Variants in GALNT5 observed in about 807,000 individuals in gnomAD.
The protein encoded by GALNT5 is UDP-GalNAc:polypeptide N-acetylgalactosaminyltransferase 5.
GALNT5 carries 72 observed loss-of-function variants against 85.4 expected under a neutral mutation model. That is an observed-to-expected ratio of 0.84 (90% CI 0.70 to 1.03). The LOEUF is 1.03. Among genes scored for constraint, GALNT5 ranks in the 50% least tolerant of loss-of-function variants. GALNT5 has a pLI of 0.00. For synonymous variants in GALNT5, 404 were observed against 397.0 expected (o/e 1.02, Z -0.21); for missense variants, 1,137 against 1,135.5 (o/e 1.00, Z -0.02).
In GALNT5 at chr2:157,318,249, T is replaced by A. The variant is rs1683764447; in HGVS notation, c.*6901T>A. On this transcript the variant is annotated 3_prime_UTR_variant, in exon 10 of 10. Coordinates refer to ENST00000259056, the MANE Select transcript of GALNT5 (RefSeq NM_014568.3). ...AATATGCCAAAAGTATGATCCCATG[T>A]AAATATGCAGAAACGATTGCTATGA... Among the ~76,000 whole-genome samples the A allele has an allele frequency of 6.6e-6, 1 of 152,098 alleles. No individual in the cohort carries two copies. Among genetic ancestry groups the A allele is most frequent in the Non-Finnish European group, 1.5e-5 (1 of 68,000 alleles).
rs1682356232 is a variant in GALNT5 at position 157,262,197 on chromosome 2, C to T, written c.1454+2661C>T. On this transcript the variant is annotated intron_variant, in intron 1 of 9. Transcript: ENST00000259056. ...CAACTGCTCATTGATACAGAATGAA[C>T]CAAAAAATGTAAAAAAAAAAAAAAA... Among the ~76,000 whole-genome samples the T allele has an allele frequency of 2.9e-5, 4 of 136,852 alleles. No homozygotes were observed. The South Asian group carries it at 8.9e-4, about 31-fold the overall frequency. 89.8% of individuals were successfully genotyped at this position (136,852 alleles called of 152,430 possible). A position where few individuals can be genotyped will look rare whatever the true frequency, so the allele number is the denominator to read the frequency against.
chr2:157,288,125 C>T (rs1418917825), intron 3 of GALNT5, among the ~76,000 whole-genome samples: 1 of 152,194 alleles, frequency 6.6e-6, no homozygotes, highest in South Asian at 2.1e-4. Flanking sequence ...CAGGTCTCCA[C>T]CAGCTTAAAT....
rs1166663267 is a variant in GALNT5, at chr2:157,313,420, A to G, written c.*2072A>G. Reference sequence around the variant, plus strand: ...ATTGCCTAATGACACATTTCTCAGAATGTATTTGTGTTATTAAATGATGCA... The same window carrying G: ...ATTGCCTAATGACACATTTCTCAGAGTGTATTTGTGTTATTAAATGATGCA... On this transcript the variant is annotated 3_prime_UTR_variant, in exon 10 of 10. Transcript: ENST00000259056. 6.6e-6 allele frequency: 1 copy of G among 152,194 alleles called. No individual in the cohort carries two copies. The highest frequency in any genetic ancestry group is 2.4e-5 in the African/African-American group (1 of 41,440). The allele number at this position is 152,194 out of a possible 1,614,324, so 9.4% of individuals were successfully genotyped here.
chr2:157,307,626 G>A (rs1011994538), intron 8 of GALNT5, among the ~76,000 whole-genome samples: 10 of 152,162 alleles, frequency 6.6e-5, no homozygotes, highest in African/African-American at 2.2e-4. Context: ...AGCTGATGCG[G>A]ATGTTGGTCC....
chr2:157,303,461 A>T (rs996660979), intron 7 of GALNT5, among the ~76,000 whole-genome samples: 1 of 152,218 alleles, frequency 6.6e-6, no homozygotes, highest in Non-Finnish European at 1.5e-5. Context: ...AAAATGAAAT[A>T]ATACAACATG....
Position 157,257,942 on chromosome 2 carries a change from C to A in GALNT5, c.-141C>A. The A allele has an allele frequency of 1.2e-6, 1 of 806,476 alleles. No individual in the cohort carries two copies. The highest frequency in any genetic ancestry group is 1.6e-5 in the South Asian group (1 of 63,024). 50.0% of individuals were successfully genotyped at this position (806,476 alleles called of 1,614,324 possible). On this transcript the variant is annotated 5_prime_UTR_variant, in exon 1 of 10. In the 5' UTR this introduces an upstream ATG that the reference lacks. Transcript: ENST00000259056. The stretch of plus-strand genomic sequence containing the variant: ...GGAACTGAGCTTTCCCCTTGGACTG[C>A]TGCTTCCTGCTGTGTTCAGGGGAGG...
chr2:157,273,630 CTTTT>C (rs35430045), intron 1 of GALNT5, among the ~76,000 whole-genome samples: 7 of 23,742 alleles, frequency 2.9e-4, no homozygotes, highest in African/African-American at 2.3e-3. Flanking sequence ...ATATTTCTTG[CTTTT>C]TTTTTTTTTT....
Position 157,300,744 on chromosome 2 carries a change from C to A in GALNT5, c.2184C>A (p.Asp728Glu). The change falls in exon 7 of 10, where the codon GAC (aspartate) becomes GAA (glutamate). Residue 728 changes from aspartate (D) to glutamate (E), a missense_variant. Physicochemically the swap from Asp to Glu is conservative, Grantham distance 45. Transcript: ENST00000259056. ...GAGTGGGCCATATATTCAGAAATGA[C>A]AATCCATATTCCTTCCCCAAAGACC... Reference protein sequence around the residue: ...CSRVGHIFRNDNPYSFPKDRM... With the variant: ...CSRVGHIFRNENPYSFPKDRM... The A allele has an allele frequency of 3.7e-6, 6 of 1,613,940 alleles. No individual in the cohort carries two copies. The highest frequency in any genetic ancestry group is 5.1e-6 in the Non-Finnish European group (6 of 1,179,864).
In GALNT5 at chr2:157,275,531, G is replaced by C. The variant is rs7558925; in HGVS notation, c.1455-8751G>C. ...AGTGGTTTGTATTTCTCCTTGAAGA[G>C]GTCCTCCACATCCCTTGTAAGTTGG... On this transcript the variant is annotated intron_variant, in intron 1 of 9. Transcript: ENST00000259056. 2.3e-3 allele frequency among the ~76,000 whole-genome samples: 356 copies of C among 152,244 alleles called. 1 individual carries two copies. Among genetic ancestry groups the C allele is most frequent in the African/African-American group, 8.1e-3 (338 of 41,536 alleles).
Position 157,316,915 on chromosome 2 carries a change from C to T in GALNT5, c.*5567C>T, listed in dbSNP as rs1683717083. Among the ~76,000 whole-genome samples, 1 of 151,914 alleles carries T rather than the reference C, an allele frequency of 6.6e-6. No homozygotes were observed. ...ACAAGGGAAAATTCTCATTTTCCAGCAAATACAGCAACTTCTAATATGCTG... is the reference window on the plus strand; with the variant it reads ...ACAAGGGAAAATTCTCATTTTCCAGTAAATACAGCAACTTCTAATATGCTG... On this transcript the variant is annotated 3_prime_UTR_variant, in exon 10 of 10. Coordinates refer to ENST00000259056, the MANE Select transcript of GALNT5 (RefSeq NM_014568.3).
chr2:157,294,385 G>C (rs1158472003), intron 3 of GALNT5, among the ~76,000 whole-genome samples: 2 of 152,180 alleles, frequency 1.3e-5, no homozygotes, highest in African/African-American at 4.8e-5. Context: ...GTGGCCCTGG[G>C]ATCCAGAGTA....
chr2:157,304,361 G>A (rs574934783), intron 7 of GALNT5, among the ~76,000 whole-genome samples: 2 of 152,300 alleles, frequency 1.3e-5, no homozygotes, highest in East Asian at 1.9e-4. Flanking sequence ...GTTTCTGCCT[G>A]TGCCAGGCAC....
chr2:157,283,261 A>G (rs140366303), intron 1 of GALNT5, among the ~76,000 whole-genome samples: 21 of 152,336 alleles, frequency 1.4e-4, no homozygotes, highest in African/African-American at 4.6e-4. Flanking sequence ...TGCTTATAAT[A>G]TTTATGATCA....
At chr2:157,268,160 A>T (rs932727696) in intron 1 of GALNT5, among the ~76,000 whole-genome samples, 4 of 152,222 alleles carry the variant, frequency 2.6e-5, no homozygotes, top group Admixed American at 2.6e-4. Flanking sequence ...TGACCCACAT[A>T]GTACATCTTG....
intron 5 of GALNT5, 137 bp downstream of exon 5, chr2:157,296,650 G>A (rs1683220292): frequency 1.5e-6 from 1 of 649,456 alleles, no homozygotes. Flanking sequence ...GATTACCAAA[G>A]CAAACACAGT....
chr2:157,302,380 A>G (rs1414082255), intron 7 of GALNT5: 1 of 152,202 alleles, frequency 6.6e-6, no homozygotes, highest in African/African-American at 2.4e-5. Context: ...ACTGATAAAT[A>G]AGTTTATGTG....
intron 3 of GALNT5, among the ~76,000 whole-genome samples, chr2:157,293,041 T>A (rs1270374226): frequency 6.6e-6 from 1 of 152,160 alleles, no homozygotes; most frequent in African/African-American, 2.4e-5. Context: ...ACTAGCCAAG[T>A]GGACTTTAGC....
rs532967575 is a variant in GALNT5, at chr2:157,315,860, AATAG to A, written c.*4516_*4519del. ...GAGTGGGTTTAGGAGTGGAAAGTTT[AATAG>A]ATAAAGAAGAGAGTGAGAAAGCTTC... On this transcript the variant is annotated 3_prime_UTR_variant, in exon 10 of 10. Coordinates refer to ENST00000259056, the MANE Select transcript of GALNT5 (RefSeq NM_014568.3). Among the ~76,000 whole-genome samples, 526 of 152,282 alleles carry A rather than the reference AATAG, an allele frequency of 3.5e-3. 2 individuals are homozygous for A. Among genetic ancestry groups the A allele is most frequent in the African/African-American group, 0.012 (510 of 41,560 alleles).
intron 1 of GALNT5, among the ~76,000 whole-genome samples, chr2:157,275,994 C>T (rs976723924): frequency 1.3e-5 from 2 of 152,154 alleles, no homozygotes; most frequent in Non-Finnish European, 2.9e-5. Context: ...AGATATGTTC[C>T]ATCAAAGCCT....
Sources: allele counts gnomAD v4.1 joint callset (sites outside exome capture counted in the v4.1 genomes callset), GRCh38; gene constraint gnomAD v4.1.1; transcripts MANE v1.5; gene names NCBI Gene and HGNC (gene_info 2026-07-23, HGNC 2026-07-21).